SLIT2: variants seen among roughly 807,000 people sequenced by gnomAD.
SLIT2 encodes slit homolog 2 protein.
SLIT2 carries 41 observed loss-of-function variants against 185.7 expected under a neutral mutation model. The ratio of observed to expected loss-of-function variants is 0.22; its 90% CI spans 0.17 to 0.29. The LOEUF is 0.29. SLIT2 is among the 10% of genes least tolerant of loss of function. The pLI, the probability that SLIT2 is intolerant of heterozygous loss-of-function variation, is 1.00. For synonymous variants in SLIT2, 693 were observed against 680.2 expected (o/e 1.02, Z -0.29); for missense variants, 1,571 against 1,909.0 (o/e 0.82, Z 3.30).
At chr4:20,461,235 T>C (rs769633840) in intron 4 of SLIT2, among the ~76,000 whole-genome samples, 10 of 152,020 alleles carry the variant, frequency 6.6e-5, no homozygotes, top group Non-Finnish European at 1.3e-4. Flanking sequence ...TGGAAGATCA[T>C]ATAAAAGGAG....
intron 3 of SLIT2, among the ~76,000 whole-genome samples, chr4:20,260,417 A>G (rs969173069): frequency 6.6e-6 from 1 of 151,910 alleles, no homozygotes; most frequent in Non-Finnish European, 1.5e-5. Context: ...TCCCATTTAT[A>G]TACTGAATAG....
At chr4:20,610,552 A>G (rs1347281499) in intron 34 of SLIT2, among the ~76,000 whole-genome samples, 2 of 152,178 alleles carry the variant, frequency 1.3e-5, no homozygotes, top group Non-Finnish European at 2.9e-5. Flanking sequence ...AGCTTAATGC[A>G]AACTGGAAAG....
intron 5 of SLIT2, among the ~76,000 whole-genome samples, chr4:20,471,571 G>A (rs187359194): frequency 7.9e-5 from 12 of 152,194 alleles, no homozygotes; most frequent in Admixed American, 2.0e-4. Context: ...AGCTGCCCAG[G>A]CCATATTTTG....
intron 4 of SLIT2, among the ~76,000 whole-genome samples, chr4:20,290,338 AAAAT>A (rs1715674217): frequency 6.6e-6 from 1 of 152,230 alleles, no homozygotes; most frequent in Non-Finnish European, 1.5e-5. Context: ...AAAGAAATGA[AAAAT>A]AACCATTAAA....
chr4:20,289,232 G>T (rs187352359), intron 4 of SLIT2, among the ~76,000 whole-genome samples: 2 of 152,180 alleles, frequency 1.3e-5, no homozygotes, highest in East Asian at 3.9e-4. Context: ...TAATTTTTGT[G>T]AATAAAATGG....
In SLIT2 at chr4:20,593,877, G is replaced by T. The variant is rs140213609; in HGVS notation, c.3183-1820G>T. On this transcript the variant is annotated intron_variant, in intron 30 of 36. Transcript: ENST00000504154. ...CTGAATTCTGCAAAGCCTGAATTCT[G>T]CAGAGCTAAGTTATAGTTTTCTCAT... is the stretch of plus-strand genomic sequence containing the variant. 4.3e-4 allele frequency among the ~76,000 whole-genome samples: 66 copies of T among 151,920 alleles called. 2 individuals carry two copies. The highest frequency in any genetic ancestry group is 1.6e-3 in the African/African-American group (65 of 41,464).
At chr4:20,322,441 G>T (rs149493625) in intron 4 of SLIT2, among the ~76,000 whole-genome samples, 68 of 152,234 alleles carry the variant, frequency 4.5e-4, no homozygotes, top group African/African-American at 1.5e-3. Flanking sequence ...AGAGACAAAT[G>T]GTTGTCTTGA....
intron 4 of SLIT2, among the ~76,000 whole-genome samples, chr4:20,270,954 A>G (rs1348021225): frequency 7.9e-5 from 12 of 151,798 alleles, no homozygotes; most frequent in Admixed American, 7.9e-4. Context: ...GCTGCATGTG[A>G]CCACTTGTTT....
Position 20,616,893 on chromosome 4 carries a change from C to G in SLIT2, c.3848-17C>G. The G allele has an allele frequency of 6.3e-7, 1 of 1,576,828 alleles. No individual in the cohort carries two copies. On this transcript the variant is annotated splice_polypyrimidine_tract_variant and intron_variant, in intron 34 of 36. Coordinates refer to ENST00000504154, the MANE Select transcript of SLIT2 (RefSeq NM_004787.4). ...ATCCCCAGAGAGCCTGACCTCTGAC[C>G]TGGTGTTCCTCCCCAGGCATGCCAG...
intron 4 of SLIT2, among the ~76,000 whole-genome samples, chr4:20,339,707 T>C (rs1225811103): frequency 6.6e-6 from 1 of 152,116 alleles, no homozygotes; most frequent in Non-Finnish European, 1.5e-5. Flanking sequence ...GTTTCTAATC[T>C]AAAGACAGGC....
intron 4 of SLIT2, among the ~76,000 whole-genome samples, chr4:20,351,873 G>C (rs1721908838): frequency 6.6e-6 from 1 of 152,204 alleles, no homozygotes; most frequent in African/African-American, 2.4e-5. Flanking sequence ...AATGCAGTTT[G>C]TGTTTTGATG....
At chr4:20,399,694 G>A (rs545804456) in intron 4 of SLIT2, among the ~76,000 whole-genome samples, 2 of 151,744 alleles carry the variant, frequency 1.3e-5, no homozygotes, top group Admixed American at 1.3e-4. Flanking sequence ...GTAGGTAAGA[G>A]TTATATCAAA....
chr4:20,473,923 T>C (rs1194365130), intron 5 of SLIT2, among the ~76,000 whole-genome samples: 4 of 152,088 alleles, frequency 2.6e-5, no homozygotes, highest in Non-Finnish European at 5.9e-5. Context: ...TGTTAGTTTT[T>C]CTGTTTAGTT....
intron 22 of SLIT2, among the ~76,000 whole-genome samples, chr4:20,548,277 T>C (rs536774023): frequency 5.9e-5 from 9 of 152,206 alleles, no homozygotes; most frequent in African/African-American, 2.2e-4. Flanking sequence ...ATATATATAA[T>C]CACTCCTAAT....
At chr4:20,293,555 G>A (rs1034809912) in intron 4 of SLIT2, among the ~76,000 whole-genome samples, 3 of 152,198 alleles carry the variant, frequency 2.0e-5, no homozygotes, top group Non-Finnish European at 2.9e-5. Flanking sequence ...TTCTTAACGC[G>A]TAGTAATGTG....
At chr4:20,556,747 C>CA (rs199706020) in intron 26 of SLIT2, among the ~76,000 whole-genome samples, 1 of 125,096 alleles carries the variant, frequency 8.0e-6, no homozygotes, top group Admixed American at 8.5e-5. Flanking sequence ...ACAACAACAA[C>CA]AAAAATGTAG....
intron 4 of SLIT2, among the ~76,000 whole-genome samples, chr4:20,301,369 G>T (rs1717021130): frequency 6.6e-6 from 1 of 152,088 alleles, no homozygotes; most frequent in Non-Finnish European, 1.5e-5. Flanking sequence ...AATCATGCTT[G>T]TAAGAATGGC....
chr4:20,323,239 G>A (rs549325625), intron 4 of SLIT2, among the ~76,000 whole-genome samples: 16 of 152,196 alleles, frequency 1.1e-4, no homozygotes, highest in Admixed American at 7.9e-4. Context: ...GTATTTATTC[G>A]TATCAAGACT....
chr4:20,505,193 T>C (rs1051253919), intron 9 of SLIT2, among the ~76,000 whole-genome samples: 2 of 152,110 alleles, frequency 1.3e-5, no homozygotes, highest in African/African-American at 4.8e-5. Context: ...AAAACATTTA[T>C]GGTAAGTTCT....
Sources: gnomAD v4.1 joint callset for allele counts (sites outside exome capture counted in the v4.1 genomes callset) on GRCh38, gnomAD v4.1.1 for gene constraint, MANE v1.5 for transcripts, NCBI Gene and HGNC (gene_info 2026-07-23, HGNC 2026-07-21) for gene names.